The following CLIC6 variants were observed in gnomAD, a reference collection of about 807,000 sequenced individuals.
CLIC6 encodes chloride intracellular channel protein 6.
CLIC6 carries 39 observed loss-of-function variants against 49.2 expected under a neutral mutation model. The ratio of observed to expected loss-of-function variants is 0.79; its 90% CI spans 0.61 to 1.04. CLIC6 has a LOEUF of 1.04. CLIC6 is among the 50% of genes least tolerant of loss of function. The pLI, the probability that CLIC6 is intolerant of heterozygous loss-of-function variation, is 0.00. For synonymous variants in CLIC6, 446 were observed against 433.4 expected (o/e 1.03, Z -0.36); for missense variants, 988 against 993.1 (o/e 0.99, Z 0.07).
chr21:34,687,658 G>A (rs16992151), intron 1 of CLIC6, among the ~76,000 whole-genome samples: 2,102 of 152,268 alleles, frequency 0.014, 53 homozygotes, highest in African/African-American at 0.048. Flanking sequence ...AATGTGAGTC[G>A]AGGGTAGTCA....
In CLIC6 at chr21:34,669,062, C is replaced by G. The variant is rs1989465979; in HGVS notation, c.-327C>G. On this transcript the variant is annotated 5_prime_UTR_variant, in exon 1 of 6. Transcript: ENST00000349499. ...CAGGAGCGAAGCAGCCCTCTCCAGC[C>G]GTGCACTGCACCTCCGCGGCCCGCG... Among the ~76,000 whole-genome samples, 1 of 152,196 alleles carries G rather than the reference C, an allele frequency of 6.6e-6. No homozygotes were observed. Among genetic ancestry groups the G allele is most frequent in the Admixed American group, 6.5e-5 (1 of 15,278 alleles).
intron 1 of CLIC6, among the ~76,000 whole-genome samples, chr21:34,694,589 A>G (rs1990059165): frequency 6.6e-6 from 1 of 152,098 alleles, no homozygotes; most frequent in African/African-American, 2.4e-5. Context: ...TTCTCCAGCC[A>G]TGTAGGATGT....
At position 34,707,987 on chromosome 21, in the gene CLIC6, C is replaced by G. The variant is rs1249644937; in HGVS notation, c.1528C>G (p.Pro510Ala). The G allele has an allele frequency of 6.2e-7, 1 of 1,614,028 alleles. No homozygotes were observed. Among genetic ancestry groups the G allele is most frequent in the Non-Finnish European group, 8.5e-7 (1 of 1,180,048 alleles). The change falls in exon 3 of 6, where the codon CCT becomes GCT. Residue 510 changes from proline to alanine, a missense_variant. Physicochemically the swap from Pro to Ala is conservative, Grantham distance 27. This residue lies in a region of CLIC6 where 647 missense variants were observed against 596.9 expected (regional missense o/e 1.08). Transcript: ENST00000349499. Reference sequence around the variant, plus strand: ...GAACCTGGCTCCCGGAACAAACCCTCCTTTCATGACTTTTGATGGTGAAGT... The same window carrying G: ...GAACCTGGCTCCCGGAACAAACCCTGCTTTCATGACTTTTGATGGTGAAGT... ...LQNLAPGTNP[P>A]FMTFDGEVKT...
chr21:34,672,128 G>T (rs1313477084), intron 1 of CLIC6, among the ~76,000 whole-genome samples: 1 of 152,194 alleles, frequency 6.6e-6, no homozygotes, highest in East Asian at 1.9e-4. Context: ...TAGTCTCCCT[G>T]TTTCAGTTCT....
chr21:34,684,840 C>T (rs1989845535), intron 1 of CLIC6, among the ~76,000 whole-genome samples: 1 of 152,140 alleles, frequency 6.6e-6, no homozygotes, highest in Non-Finnish European at 1.5e-5. Flanking sequence ...CCCCTTTCTG[C>T]AGTTATTTCT....
At chr21:34,674,357 G>T (rs75792337) in intron 1 of CLIC6, among the ~76,000 whole-genome samples, 2 of 152,152 alleles carry the variant, frequency 1.3e-5, no homozygotes, top group African/African-American at 2.4e-5. Context: ...GTTTCAAAGT[G>T]CTGGGATTAT....
At chr21:34,694,085 G>T (rs1282853838) in intron 1 of CLIC6, among the ~76,000 whole-genome samples, 2 of 147,800 alleles carry the variant, frequency 1.4e-5, no homozygotes, top group African/African-American at 5.1e-5. Flanking sequence ...TCATTCTCCT[G>T]CCTCAGCCTC....
In CLIC6 at chr21:34,670,186, G is replaced by A; in HGVS notation, c.798G>A (p.Ala266=). The A allele has an allele frequency of 3.4e-6, 3 of 885,810 alleles. No homozygotes were observed. Among genetic ancestry groups the A allele is most frequent in the Non-Finnish European group, 3.0e-6 (2 of 666,964 alleles). The allele number at this position is 885,810 out of a possible 1,614,324, so 54.9% of individuals were successfully genotyped here. Residue 266 remains alanine, a synonymous_variant, in exon 1 of 6, where the codon GCG becomes GCA. Coordinates refer to ENST00000349499, the MANE Select transcript of CLIC6 (RefSeq NM_053277.3). ...ACGGCGTAGAAGCGGGGGTCCCGGC[G>A]GGGGACAGCGTAGAAGCCGAAGGCC... The part of the protein sequence containing the change: ...AGDGVEAGVP[A]GDSVEAEGPA...
intron 3 of CLIC6, among the ~76,000 whole-genome samples, chr21:34,708,270 C>T (rs2056030797): frequency 6.6e-6 from 1 of 152,168 alleles, no homozygotes. Context: ...TTGGCAATCA[C>T]AGTTTGATGG....
chr21:34,704,093 T>C (rs1242753046), intron 1 of CLIC6, among the ~76,000 whole-genome samples: 2 of 152,176 alleles, frequency 1.3e-5, no homozygotes, highest in Admixed American at 1.3e-4. Context: ...GAGAGAGTTA[T>C]CAGCACTGGG....
chr21:34,711,443 A>G (rs1601289187), intron 5 of CLIC6, among the ~76,000 whole-genome samples: 1 of 152,172 alleles, frequency 6.6e-6, no homozygotes, highest in East Asian at 1.9e-4. Context: ...GAGGCACGAG[A>G]ATCATTTGAA....
chr21:34,693,975 CTTT>C (rs71196904), intron 1 of CLIC6, among the ~76,000 whole-genome samples: 5 of 124,652 alleles, frequency 4.0e-5, no homozygotes, highest in African/African-American at 3.1e-5. Flanking sequence ...TTGTTGTTTT[CTTT>C]TTTTTTTTTT....
chr21:34,682,977 A>G (rs1168122778), intron 1 of CLIC6, among the ~76,000 whole-genome samples: 1 of 151,534 alleles, frequency 6.6e-6, no homozygotes, highest in African/African-American at 2.4e-5. Flanking sequence ...ACGCCCAGCT[A>G]ATTTTTTGTA....
At chr21:34,704,105 G>A (rs1296634740) in intron 1 of CLIC6, among the ~76,000 whole-genome samples, 1 of 152,158 alleles carries the variant, frequency 6.6e-6, no homozygotes, top group Non-Finnish European at 1.5e-5. Context: ...AGCACTGGGG[G>A]AAAATGAAGG....
intron 5 of CLIC6, among the ~76,000 whole-genome samples, chr21:34,713,684 TAAAAG>T (rs2056070526): frequency 1.3e-5 from 2 of 151,132 alleles, no homozygotes; most frequent in South Asian, 2.1e-4. Context: ...GAAAAAAAAA[TAAAAG>T]AAAACGAGAG....
In CLIC6 at chr21:34,682,812, T is replaced by A. The variant is rs897279578; in HGVS notation, c.1374+12050T>A. Among the ~76,000 whole-genome samples, 1,140 of 132,706 alleles carry A rather than the reference T, an allele frequency of 8.6e-3. 23 individuals carry two copies. Among genetic ancestry groups the A allele is most frequent in the African/African-American group, 0.031 (1,095 of 35,410 alleles). The allele number at this position is 132,706 out of a possible 152,430, so 87.1% of individuals were successfully genotyped here. On this transcript the variant is annotated intron_variant, in intron 1 of 5. Transcript: ENST00000349499. The stretch of plus-strand genomic sequence containing the variant: ...ACCCCTTTCCCTCCATTTTTTTTTT[T>A]TTTTTTTTTTTTTTTTTGAGACGGA...
intron 1 of CLIC6, among the ~76,000 whole-genome samples, chr21:34,697,311 T>C (rs1990105471): frequency 6.6e-6 from 1 of 152,182 alleles, no homozygotes; most frequent in South Asian, 2.1e-4. Context: ...GTCCCTGTAT[T>C]AGCTGGTTCT....
chr21:34,714,304 A>C (rs557927231), intron 5 of CLIC6, among the ~76,000 whole-genome samples: 27 of 152,344 alleles, frequency 1.8e-4, no homozygotes, highest in African/African-American at 6.5e-4. Context: ...CACCATTGGA[A>C]GGAGGATAAT....
At chr21:34,713,145 G>A (rs977885878) in intron 5 of CLIC6, among the ~76,000 whole-genome samples, 4 of 152,200 alleles carry the variant, frequency 2.6e-5, no homozygotes, top group Non-Finnish European at 5.9e-5. Flanking sequence ...TGAAAAGAAG[G>A]GGGTGGGGGG....
Sources: gnomAD v4.1 joint callset for allele counts (sites outside exome capture counted in the v4.1 genomes callset) on GRCh38, gnomAD v4.1.1 for gene constraint, gnomAD v4.1.1 regional missense constraint, MANE v1.5 for transcripts, NCBI Gene and HGNC (gene_info 2026-07-23, HGNC 2026-07-21) for gene names.